NBAS: variants seen among roughly 807,000 people sequenced by gnomAD.
The protein encoded by NBAS is NBAS subunit of NRZ tethering complex.
A neutral mutation model predicts 302.5 loss-of-function variants in NBAS; 219 were observed. That is an observed-to-expected ratio of 0.72 (90% CI 0.65 to 0.81). The LOEUF (loss-of-function observed/expected upper bound fraction) is 0.81. Among genes scored for constraint, NBAS ranks in the 30% least tolerant of loss-of-function variants. The probability of loss-of-function intolerance (pLI) is 0.00; values close to 1 mark genes in which losing one functional copy is unlikely to be tolerated. For synonymous variants in NBAS, 1,118 were observed against 1,021.6 expected, an observed-to-expected ratio of 1.09 and a Z score of -1.80; for missense variants, 2,932 against 2,841.6, an observed-to-expected ratio of 1.03 and a Z score of -0.72.
rs933319946 is a variant in NBAS, at chr2:15,353,577, T to C, written c.4065A>G (p.Ala1355=). ...CPPSSIELLL[A]ASSSLQTEIL... ...CTTCTGTCTGCAGAGAGCTGCTAGC[T>C]GCCAAAAGAAGTTCAATGCTGCTAG... Residue 1355 remains alanine (A), a synonymous_variant, in exon 34 of 52, where the codon GCA becomes GCG. Transcript: ENST00000281513. 6 of 1,613,916 alleles carry C rather than the reference T, an allele frequency of 3.7e-6. No homozygotes were observed. The Admixed American group carries it at 6.7e-5, about 18-fold the overall frequency.
At chr2:15,399,180 T>A (rs915660218) in intron 26 of NBAS, among the ~76,000 whole-genome samples, 11 of 152,326 alleles carry the variant, frequency 7.2e-5, no homozygotes, top group African/African-American at 2.6e-4. Flanking sequence ...ATATTTACTT[T>A]TAAGAGTTAT....
chr2:14,897,132 C>T, the NBAS span, among the ~76,000 whole-genome samples: 1,689 of 151,902 alleles, frequency 0.011, 36 homozygotes, highest in African/African-American at 0.038. Context: ...AAGAAATTTG[C>T]CCAGTATCAC....
At chr2:15,075,321 C>T in the NBAS span, among the ~76,000 whole-genome samples, 45 of 152,198 alleles carry the variant, frequency 3.0e-4, no homozygotes, top group African/African-American at 1.0e-3. Context: ...GCCCCCTGCC[C>T]TGCATCTTAG....
chr2:15,268,633 C>T (rs1669183327), intron 44 of NBAS, among the ~76,000 whole-genome samples: 1 of 152,186 alleles, frequency 6.6e-6, no homozygotes, highest in African/African-American at 2.4e-5. Context: ...GGAGGCAGAC[C>T]TTCTGACAAA....
At chr2:15,074,398 G>A in the NBAS span, among the ~76,000 whole-genome samples, 1 of 143,674 alleles carries the variant, frequency 7.0e-6, no homozygotes, top group African/African-American at 2.6e-5. Context: ...TGGAAGGAGG[G>A]GGGGAGGGAA....
At chr2:15,347,523 T>C (rs1424280969) in intron 35 of NBAS, among the ~76,000 whole-genome samples, 2 of 152,244 alleles carry the variant, frequency 1.3e-5, no homozygotes, top group Non-Finnish European at 2.9e-5. Flanking sequence ...ACTAGCTCTA[T>C]ACTTAGCCCA....
chr2:15,409,153 C>T (rs1055772286), intron 25 of NBAS, among the ~76,000 whole-genome samples: 1 of 152,184 alleles, frequency 6.6e-6, no homozygotes, highest in Non-Finnish European at 1.5e-5. Context: ...CTTAAGAAGT[C>T]TGCTTTCAGA....
At chr2:15,156,229 T>C in the NBAS span, among the ~76,000 whole-genome samples, 2 of 152,146 alleles carry the variant, frequency 1.3e-5, no homozygotes, top group Non-Finnish European at 2.9e-5. Flanking sequence ...AGTAGCTCTG[T>C]ACAAGCCATG....
At chr2:15,176,003 AG>A (rs1162490569) in intron 51 of NBAS, among the ~76,000 whole-genome samples, 1 of 152,244 alleles carries the variant, frequency 6.6e-6, no homozygotes, top group Admixed American at 6.5e-5. Context: ...TAATGTCAAT[AG>A]GAGCTACTGT....
chr2:15,470,943 A>G (rs1477033935), intron 16 of NBAS, among the ~76,000 whole-genome samples: 1 of 152,254 alleles, frequency 6.6e-6, no homozygotes, highest in East Asian at 1.9e-4. Context: ...CCTGGGCAAA[A>G]AAAAGCAAAA....
At chr2:15,376,596 G>C (rs1327392300) in intron 30 of NBAS, among the ~76,000 whole-genome samples, 1 of 152,102 alleles carries the variant, frequency 6.6e-6, no homozygotes, top group South Asian at 2.1e-4. Flanking sequence ...GATATCACCT[G>C]TGTGGGGGGA....
the NBAS span, among the ~76,000 whole-genome samples, chr2:14,847,456 T>A: frequency 8.4e-6 from 1 of 118,398 alleles, no homozygotes; most frequent in Non-Finnish European, 1.8e-5. Flanking sequence ...TCCATACCAA[T>A]GAAAATCAAA....
intron 27 of NBAS, among the ~76,000 whole-genome samples, chr2:15,394,830 T>C (rs1371313065): frequency 6.6e-6 from 1 of 152,116 alleles, no homozygotes; most frequent in East Asian, 1.9e-4. Context: ...ATACAAGATA[T>C]GTCAAAAATT....
chr2:14,914,180 G>T, the NBAS span, among the ~76,000 whole-genome samples: 3 of 152,136 alleles, frequency 2.0e-5, no homozygotes, highest in Non-Finnish European at 4.4e-5. Context: ...ATCTCCCACT[G>T]GGTCCCTCCC....
At chr2:15,147,421 C>G in the NBAS span, among the ~76,000 whole-genome samples, 1 of 151,906 alleles carries the variant, frequency 6.6e-6, no homozygotes, top group Non-Finnish European at 1.5e-5. Context: ...TGGAGAAACC[C>G]CATCTCTACT....
chr2:15,225,907 C>A (rs1024302772), intron 47 of NBAS, among the ~76,000 whole-genome samples: 1 of 152,154 alleles, frequency 6.6e-6, no homozygotes, highest in African/African-American at 2.4e-5. Flanking sequence ...CAGAGAGAAG[C>A]ATGTCAAAGA....
chr2:15,221,462 T>C (rs796536249), intron 47 of NBAS, among the ~76,000 whole-genome samples: 4 of 152,282 alleles, frequency 2.6e-5, no homozygotes, highest in African/African-American at 7.2e-5. Flanking sequence ...CAAAGCACTA[T>C]AGTTTGTGCT....
the NBAS span, among the ~76,000 whole-genome samples, chr2:15,127,819 C>T: frequency 6.6e-6 from 1 of 151,986 alleles, no homozygotes; most frequent in African/African-American, 2.4e-5. Context: ...AGATTGGGCT[C>T]AAATCACATG....
the NBAS span, among the ~76,000 whole-genome samples, chr2:14,964,512 C>A: frequency 6.6e-6 from 1 of 152,064 alleles, no homozygotes; most frequent in Non-Finnish European, 1.5e-5. Context: ...AAAGTTTATA[C>A]ACTTAATAAT....
Sources: allele counts gnomAD v4.1 joint callset (sites outside exome capture counted in the v4.1 genomes callset), GRCh38; gene constraint gnomAD v4.1.1; transcripts MANE v1.5; gene names NCBI Gene and HGNC (gene_info 2026-07-23, HGNC 2026-07-21).